STK32C: variants seen among roughly 807,000 people sequenced by gnomAD.
STK32C encodes serine/threonine-protein kinase 32C.
A neutral mutation model predicts 56.5 loss-of-function variants in STK32C; 31 were observed. The ratio of observed to expected loss-of-function variants is 0.55; its 90% CI spans 0.41 to 0.74. STK32C has a LOEUF of 0.74. Among genes scored for constraint, STK32C ranks in the 30% least tolerant of loss-of-function variants. The pLI is 0.00. For missense variants in STK32C, 544 were observed against 676.9 expected, an observed-to-expected ratio of 0.80 and a Z score of 2.18; for synonymous variants, 309 against 289.4, an observed-to-expected ratio of 1.07 and a Z score of -0.69.
chr10:132,214,147 AG>A (rs34536584), intron 10 of STK32C, among the ~76,000 whole-genome samples: 122,285 of 151,680 alleles, frequency 0.81, 49,508 homozygotes, highest in East Asian at 0.96. Context: ...ACCAAACCAC[AG>A]GATCTAAGAA....
intron 2 of STK32C, among the ~76,000 whole-genome samples, chr10:132,237,127 G>C (rs2063321354): frequency 6.6e-6 from 1 of 152,190 alleles, no homozygotes; most frequent in Non-Finnish European, 1.5e-5. Context: ...CAGCTGGGTG[G>C]GCGGTTTCAT....
chr10:132,310,518 G>A (rs981549075), upstream of STK32C, among the ~76,000 whole-genome samples: 3 of 152,216 alleles, frequency 2.0e-5, no homozygotes, highest in Non-Finnish European at 4.4e-5. The surrounding 1 kb of genome is among the most constrained non-coding windows in gnomAD (Gnocchi z 4.6). Context: ...TGCCTCATGG[G>A]AGGTAGCTCT....
intron 1 of STK32C, among the ~76,000 whole-genome samples, chr10:132,253,528 AGGGAGCTGGAGGGAGTC>A (rs1249841038): frequency 1.4e-4 from 13 of 92,096 alleles, no homozygotes; most frequent in Non-Finnish European, 2.2e-4. Flanking sequence ...AGGGAGCCGG[AGGGAGCTGGAGGGAGTC>A]GAGGGAGCTG....
chr10:132,225,959 G>A (rs961256887), intron 4 of STK32C, among the ~76,000 whole-genome samples, 175 bp from the exon 5 acceptor site: 1 of 152,238 alleles, frequency 6.6e-6, no homozygotes, highest in Non-Finnish European at 1.5e-5. Context: ...CTGCGTGGGG[G>A]CAGAGGCGAT....
intron 1 of STK32C, among the ~76,000 whole-genome samples, chr10:132,279,941 TGACCACGCCCCTGCACCCC>T (rs2065110014): frequency 1.5e-5 from 2 of 129,356 alleles, no homozygotes; most frequent in African/African-American, 2.8e-5. Context: ...CTCCACACCG[TGACCACGCCCCTGCACCCC>T]GTGACCACGC....
At chr10:132,223,051 C>A in intron 8 of STK32C, 65 bp from the exon 9 acceptor site, 2 of 1,513,110 alleles carry the variant, frequency 1.3e-6, no homozygotes, top group African/African-American at 2.8e-5. Context: ...TAGCCCGCCA[C>A]CCCCAGGCCA....
intron 2 of STK32C, among the ~76,000 whole-genome samples, chr10:132,228,889 C>T (rs940659212): frequency 1.3e-5 from 2 of 152,354 alleles, no homozygotes; most frequent in South Asian, 4.1e-4. Context: ...TGGGGGCCAC[C>T]GCTGCCACCA....
intron 1 of STK32C, among the ~76,000 whole-genome samples, chr10:132,283,898 T>A (rs774973973): frequency 6.6e-6 from 1 of 151,964 alleles, no homozygotes. Flanking sequence ...CCCCGCCCCA[T>A]CCAAAGTCCA....
intron 2 of STK32C, among the ~76,000 whole-genome samples, chr10:132,245,403 G>C (rs919024892): frequency 6.6e-6 from 1 of 152,238 alleles, no homozygotes. Flanking sequence ...CAGGAAGTTA[G>C]ATCTGGTCAA....
intron 1 of STK32C, among the ~76,000 whole-genome samples, chr10:132,274,486 A>G (rs11146301): frequency 0.43 from 65,831 of 152,102 alleles, 15,364 homozygotes; most frequent in African/African-American, 0.6. Context: ...AACTGTTCAC[A>G]GTTGTTTTGC....
chr10:132,230,316 G>A (rs953767636), intron 2 of STK32C, among the ~76,000 whole-genome samples: 6 of 152,210 alleles, frequency 3.9e-5, no homozygotes, highest in African/African-American at 7.2e-5. Context: ...CACTGCCAAC[G>A]GGGCAGAGTC....
At chr10:132,316,517 G>A (rs2066313600) in intron 1 of STK32C, among the ~76,000 whole-genome samples, 1 of 152,128 alleles carries the variant, frequency 6.6e-6, no homozygotes, top group Admixed American at 6.6e-5. Flanking sequence ...TACTCGGGAG[G>A]CTAAGGCGGG....
chr10:132,320,696 C>T (rs977251948), downstream of STK32C, among the ~76,000 whole-genome samples: 35 of 152,096 alleles, frequency 2.3e-4, no homozygotes, highest in African/African-American at 8.0e-4. Context: ...ATCCTTTGTG[C>T]GCCACGTTGA....
At chr10:132,298,918 A>T (rs945060193) in intron 1 of STK32C, among the ~76,000 whole-genome samples, 2 of 152,142 alleles carry the variant, frequency 1.3e-5, no homozygotes, top group African/African-American at 4.8e-5. Context: ...GCCACTCCTG[A>T]ATCACCGACT....
chr10:132,277,243 G>A (rs2065020295), intron 1 of STK32C, among the ~76,000 whole-genome samples: 1 of 152,170 alleles, frequency 6.6e-6, no homozygotes, highest in African/African-American at 2.4e-5. Flanking sequence ...AGGGAGTCAG[G>A]GCCCTCCACG....
downstream of STK32C, among the ~76,000 whole-genome samples, chr10:132,321,265 G>A (rs2066402224): frequency 6.6e-6 from 1 of 152,212 alleles, no homozygotes; most frequent in South Asian, 2.1e-4. Context: ...CTGCATCTGT[G>A]GCCCAGAGCC....
intron 2 of STK32C, among the ~76,000 whole-genome samples, chr10:132,241,766 C>T (rs1173330258): frequency 2.0e-5 from 3 of 152,144 alleles, no homozygotes; most frequent in Non-Finnish European, 4.4e-5. Flanking sequence ...GCACCCTCGA[C>T]GGGCTGTCCA....
chr10:132,279,037 T>C (rs998189942), intron 1 of STK32C, among the ~76,000 whole-genome samples: 2 of 152,044 alleles, frequency 1.3e-5, no homozygotes, highest in East Asian at 3.9e-4. Flanking sequence ...GTTGCCCATA[T>C]ACCATGCAGG....
chr10:132,269,603 G>A (rs986927111), intron 1 of STK32C, among the ~76,000 whole-genome samples: 1 of 152,230 alleles, frequency 6.6e-6, no homozygotes, highest in African/African-American at 2.4e-5. Flanking sequence ...GGCTGCTCGG[G>A]GCTAACAGCT....
Sources: allele counts gnomAD v4.1 joint callset (sites outside exome capture counted in the v4.1 genomes callset), GRCh38; gene constraint gnomAD v4.1.1; non-coding constraint Gnocchi (gnomAD v3.1); transcripts MANE v1.5; gene names NCBI Gene and HGNC (gene_info 2026-07-23, HGNC 2026-07-21).